TRPM3: variants seen among roughly 807,000 people sequenced by gnomAD.
The protein encoded by TRPM3 is transient receptor potential cation channel subfamily M member 3.
A neutral mutation model predicts 181.2 loss-of-function variants in TRPM3; 77 were observed. That is an observed-to-expected ratio of 0.42 (90% CI 0.35 to 0.51). The LOEUF is 0.51. TRPM3 is among the 20% of genes least tolerant of loss of function. The probability of loss-of-function intolerance (pLI) is 0.01; values close to 1 mark genes in which losing one functional copy is unlikely to be tolerated. For synonymous variants in TRPM3, 745 were observed against 796.4 expected, an observed-to-expected ratio of 0.94 and a Z score of 1.09; for missense variants, 1,759 against 2,196.7, an observed-to-expected ratio of 0.80 and a Z score of 3.98.
At chr9:70,555,722 C>T (rs1456285755) in intron 22 of TRPM3, among the ~76,000 whole-genome samples, 1 of 152,200 alleles carries the variant, frequency 6.6e-6, no homozygotes, top group Non-Finnish European at 1.5e-5. Context: ...GGAACCATTG[C>T]TTTGTTTTTC....
At chr9:71,213,297 T>C (rs896769264) in intron 1 of TRPM3, among the ~76,000 whole-genome samples, 3 of 152,198 alleles carry the variant, frequency 2.0e-5, no homozygotes, top group Non-Finnish European at 4.4e-5. Flanking sequence ...TTGATTTTTT[T>C]TCAATCATTA....
Position 70,666,297 on chromosome 9 carries a change from C to A in TRPM3, c.1345+15209G>T, listed in dbSNP as rs117530486. 6.1e-3 allele frequency among the ~76,000 whole-genome samples: 925 copies of A among 152,336 alleles called. 4 individuals are homozygous for A. Among genetic ancestry groups the A allele is most frequent in the Non-Finnish European group, 9.5e-3 (647 of 68,028 alleles). On this transcript the variant is annotated intron_variant, in intron 9 of 25. Transcript: ENST00000677713. Reference sequence around the variant, plus strand: ...TATCACCTTGGGTCTCCCTTCTTCACGATCCAGGGAATTTCCAACTCCTCT... The same window carrying A: ...TATCACCTTGGGTCTCCCTTCTTCAAGATCCAGGGAATTTCCAACTCCTCT...
intron 1 of TRPM3, among the ~76,000 whole-genome samples, chr9:70,980,193 C>T (rs1040052296): frequency 2.3e-4 from 35 of 151,976 alleles, no homozygotes; most frequent in African/African-American, 8.2e-4. Context: ...TGGTGCCAAC[C>T]GTCTGCTACC....
chr9:71,182,315 A>T (rs1421346288), intron 1 of TRPM3, among the ~76,000 whole-genome samples: 1 of 152,128 alleles, frequency 6.6e-6, no homozygotes, highest in Non-Finnish European at 1.5e-5. Context: ...AGAGATGCAC[A>T]CAACTCCCTC....
chr9:71,320,627 C>T (rs759094259), intron 1 of TRPM3, among the ~76,000 whole-genome samples: 9 of 152,098 alleles, frequency 5.9e-5, no homozygotes, highest in Non-Finnish European at 8.8e-5. Context: ...ACTGAAGTTC[C>T]TCTCTGCTCA....
At chr9:71,048,857 A>G (rs2059755800) in intron 1 of TRPM3, among the ~76,000 whole-genome samples, 1 of 152,180 alleles carries the variant, frequency 6.6e-6, no homozygotes, top group African/African-American at 2.4e-5. Flanking sequence ...TTTCTGTGAG[A>G]TATTAAACAA....
intron 1 of TRPM3, among the ~76,000 whole-genome samples, chr9:70,964,963 A>G (rs2097171690): frequency 6.6e-6 from 1 of 152,178 alleles, no homozygotes; most frequent in East Asian, 1.9e-4. Flanking sequence ...AATTTAGTAC[A>G]GTAAGCCAGT....
chr9:70,694,181 T>C (rs7866059), intron 8 of TRPM3, among the ~76,000 whole-genome samples: 55,032 of 152,002 alleles, frequency 0.36, 10,201 homozygotes, highest in East Asian at 0.46. Context: ...CCTGGGTTTT[T>C]TTTGTGAGAC....
chr9:70,914,118 T>A (rs1351599317), intron 1 of TRPM3, among the ~76,000 whole-genome samples: 1 of 152,194 alleles, frequency 6.6e-6, no homozygotes. Context: ...TAGGTCCTTT[T>A]GGAGGTAATA....
chr9:70,742,179 A>T (rs2074260912), intron 8 of TRPM3, among the ~76,000 whole-genome samples: 1 of 152,178 alleles, frequency 6.6e-6, no homozygotes, highest in Non-Finnish European at 1.5e-5. Flanking sequence ...ATAAACATAT[A>T]TGTAAACAAT....
At chr9:71,226,134 ATAT>A (rs34968581) in intron 1 of TRPM3, among the ~76,000 whole-genome samples, 60,339 of 150,702 alleles carry the variant, frequency 0.4, 12,906 homozygotes, top group East Asian at 0.51. Flanking sequence ...GGGTTATAAA[ATAT>A]TATTTGCAAG....
Position 70,992,069 on chromosome 9 carries a change from G to A in TRPM3, c.178-127558C>T, listed in dbSNP as rs187138431. Among the ~76,000 whole-genome samples the A allele has an allele frequency of 2.6e-5, 4 of 152,188 alleles. No homozygotes were observed. The East Asian group carries it at 5.8e-4, about 22-fold the overall frequency. ...TCACTCATTTCTTTGCTCCACTCCAGTACACTCTGCCTGGGCACAGAGTGT... is the reference window on the plus strand; with the variant it reads ...TCACTCATTTCTTTGCTCCACTCCAATACACTCTGCCTGGGCACAGAGTGT... On this transcript the variant is annotated intron_variant, in intron 1 of 25. Transcript: ENST00000677713.
Position 71,384,317 on chromosome 9 carries a change from G to A in TRPM3, c.183+62336C>T, listed in dbSNP as rs192400568. ...CCTCTTTGGTAGTACAAATATTTAA[G>A]AATGTTACTTTCTCAAAAGCATTAG... On this transcript the variant is annotated intron_variant, in intron 1 of 24. Coordinates refer to the TRPM3 transcript ENST00000357533. 5.3e-5 allele frequency among the ~76,000 whole-genome samples: 8 copies of A among 152,264 alleles called. No homozygotes were observed. In the East Asian group the frequency reaches 1.5e-3, roughly 29 times the overall value.
intron 1 of TRPM3, among the ~76,000 whole-genome samples, chr9:71,094,084 CA>C (rs1026274630): frequency 9.7e-4 from 42 of 43,130 alleles, no homozygotes; most frequent in Admixed American, 1.5e-3. Context: ...TGGGGCCTGT[CA>C]GGGGTGGGGG....
chr9:70,983,753 C>A (rs1023885084), intron 1 of TRPM3, among the ~76,000 whole-genome samples: 1 of 151,846 alleles, frequency 6.6e-6, no homozygotes, highest in African/African-American at 2.4e-5. Context: ...TTTGACTGTT[C>A]AAAGTTGATC....
intron 1 of TRPM3, chr9:70,917,544 T>C (rs2096611031): frequency 1.6e-6 from 1 of 630,516 alleles, no homozygotes; most frequent in Admixed American, 2.4e-5. Flanking sequence ...TGTTTTCTTC[T>C]TTACGCAAAC....
chr9:71,290,324 A>G (rs184040984), intron 1 of TRPM3, among the ~76,000 whole-genome samples: 123 of 152,254 alleles, frequency 8.1e-4, no homozygotes, highest in Admixed American at 2.0e-3. Context: ...CCAAAAAAAG[A>G]AAGATATTAA....
chr9:71,217,108 G>A lies in TRPM3; in HGVS notation c.183+229545C>T, dbSNP rs566536940. 9.9e-5 allele frequency among the ~76,000 whole-genome samples: 15 copies of A among 151,046 alleles called. No individual in the cohort carries two copies. The East Asian group carries it at 2.9e-3, about 29-fold the overall frequency. On this transcript the variant is annotated intron_variant, in intron 1 of 24. Coordinates refer to the TRPM3 transcript ENST00000357533. The stretch of plus-strand genomic sequence containing the variant: ...TGGGACTACAGGCGCCCGCTACCAC[G>A]CCCGGCTAATTTTTTGTATTTTTAG...
chr9:71,434,671 T>C (rs763356547), intron 1 of TRPM3, among the ~76,000 whole-genome samples: 14 of 152,240 alleles, frequency 9.2e-5, no homozygotes, highest in Non-Finnish European at 1.6e-4. Context: ...CAGAATTTTC[T>C]AGACTTCTTC....
Sources: gnomAD v4.1 joint callset for allele counts (sites outside exome capture counted in the v4.1 genomes callset) on GRCh38, gnomAD v4.1.1 for gene constraint, MANE v1.5 for transcripts, NCBI Gene and HGNC (gene_info 2026-07-23, HGNC 2026-07-21) for gene names.